Variants in ZBTB38 observed in about 807,000 individuals in gnomAD.
ZBTB38 encodes zinc finger and BTB domain-containing protein 38.
Under a neutral mutation model 76.8 loss-of-function variants are expected in ZBTB38, and 20 were observed. That is an observed-to-expected ratio of 0.26 (90% CI 0.18 to 0.38). The LOEUF is 0.38. ZBTB38 is among the 10% of genes least tolerant of loss of function. The pLI is 1.00. For synonymous variants in ZBTB38, 504 were observed against 544.2 expected (o/e 0.93, Z 1.03); for missense variants, 1,082 against 1,482.3 (o/e 0.73, Z 4.43).
At chr3:141,371,045 C>CTTTCTTTT (rs1944498561) in intron 2 of ZBTB38, among the ~76,000 whole-genome samples, 3 of 72,006 alleles carry the variant, frequency 4.2e-5, no homozygotes, top group African/African-American at 7.8e-5. Flanking sequence ...TTCTTTCTTT[C>CTTTCTTTT]TTTTTTTTTT....
rs1018363514 is a variant in ZBTB38 at position 141,448,272 on chromosome 3, G to C, written c.*2296G>C. 8.5e-5 allele frequency: 13 copies of C among 152,428 alleles called. No homozygotes were observed. Among genetic ancestry groups the C allele is most frequent in the Non-Finnish European group, 1.5e-5 (1 of 67,978 alleles). 9.4% of individuals were successfully genotyped at this position (152,428 alleles called of 1,614,324 possible). A position where few individuals can be genotyped will look rare whatever the true frequency, so the allele number is the denominator to read the frequency against. ...TAAATATGGCAGAATATTTATACAT[G>C]AAAAAATAATTTTGCAAATATTTTC... On this transcript the variant is annotated 3_prime_UTR_variant, in exon 6 of 6. Transcript: ENST00000321464.
At chr3:141,440,120 G>A (rs946973832) in intron 5 of ZBTB38, among the ~76,000 whole-genome samples, 4 of 152,122 alleles carry the variant, frequency 2.6e-5, no homozygotes, top group Non-Finnish European at 5.9e-5. Flanking sequence ...ACAGTTAAAG[G>A]CAGGGTAAAC....
At chr3:141,367,466 C>T (rs148431681), upstream of ZBTB38, 2 of 152,428 alleles carry the variant, frequency 1.3e-5, no homozygotes, top group Non-Finnish European at 2.9e-5. Context: ...GTTGCCAGAA[C>T]ATTCCTAATT....
chr3:141,449,632 GC>G lies in ZBTB38; in HGVS notation c.*3658del, dbSNP rs781613678. 6.6e-6 allele frequency: 1 copy of G among 152,010 alleles called. No individual in the cohort carries two copies. Among genetic ancestry groups the G allele is most frequent in the Non-Finnish European group, 1.5e-5 (1 of 68,010 alleles). 9.4% of individuals were successfully genotyped at this position (152,010 alleles called of 1,614,324 possible). Reference sequence around the variant, plus strand: ...TTACTGCCAGGCCTACCGGTGGCTGGCCAGTAGCATCAATTTTGTATTGGAA... The same window carrying G: ...TTACTGCCAGGCCTACCGGTGGCTGGCAGTAGCATCAATTTTGTATTGGAA... On this transcript the variant is annotated 3_prime_UTR_variant, in exon 6 of 6. Transcript: ENST00000321464.
intron 1 of ZBTB38, among the ~76,000 whole-genome samples, chr3:141,347,936 A>C (rs958215458): frequency 6.6e-6 from 1 of 152,226 alleles, no homozygotes; most frequent in Non-Finnish European, 1.5e-5. Context: ...TGTTATAAAT[A>C]CATGTAATGG....
At chr3:141,379,716 A>T (rs539046079) in intron 2 of ZBTB38, among the ~76,000 whole-genome samples, 24 of 152,344 alleles carry the variant, frequency 1.6e-4, no homozygotes, top group African/African-American at 5.5e-4. Flanking sequence ...GTTCATGCTA[A>T]ATCATGAGAT....
chr3:141,381,271 G>A (rs964417058), intron 2 of ZBTB38, among the ~76,000 whole-genome samples, 154 bp from the exon 3 acceptor site: 2 of 152,216 alleles, frequency 1.3e-5, no homozygotes, highest in African/African-American at 4.8e-5. Context: ...CCATAATGGT[G>A]GTGACACCTG....
At chr3:141,437,587 T>C (rs938713463) in intron 5 of ZBTB38, among the ~76,000 whole-genome samples, 1 of 152,214 alleles carries the variant, frequency 6.6e-6, no homozygotes, top group Admixed American at 6.5e-5. Flanking sequence ...TGGAACAAGG[T>C]GGGAAGGAGA....
chr3:141,445,605 A>C lies in ZBTB38; in HGVS notation c.3217A>C (p.Lys1073Gln). Residue 1073 changes from lysine to glutamine, a missense_variant, in exon 6 of 6, where the codon AAG (lysine) becomes CAG (glutamine). By Grantham distance (53) the Lys-to-Gln change is moderately conservative (BLOSUM62 1). Around this residue, in one of 8 missense-constraint regions of ZBTB38, gnomAD observed 69 missense variants for 148.2 expected, o/e 0.47. Transcript: ENST00000321464. This position sits in a 1 kb window ranked among gnomAD's most constrained non-coding sequence, Gnocchi z 6.5. Reference protein sequence around the residue: ...LKEFVCQYCNKAFTLNETLKI... With the variant: ...LKEFVCQYCNQAFTLNETLKI... ...GGAGTTCGTCTGTCAGTATTGCAAC[A>C]AGGCATTCACCTTGAATGAGACCCT... 1 of 1,614,236 alleles carries C rather than the reference A, an allele frequency of 6.2e-7. No individual in the cohort carries two copies. Among genetic ancestry groups the C allele is most frequent in the Non-Finnish European group, 8.5e-7 (1 of 1,180,034 alleles).
chr3:141,412,348 G>A (rs147335910), intron 5 of ZBTB38, among the ~76,000 whole-genome samples: 1 of 152,278 alleles, frequency 6.6e-6, no homozygotes, highest in Non-Finnish European at 1.5e-5. Context: ...TCTCAAAGCC[G>A]GTGGCCATTT....
chr3:141,360,678 TC>T (rs1184316790), intron 1 of ZBTB38, among the ~76,000 whole-genome samples: 4 of 152,068 alleles, frequency 2.6e-5, no homozygotes, highest in African/African-American at 9.7e-5. Context: ...ATTTTTCTAG[TC>T]TAGGATTTCT....
chr3:141,445,706 C>T lies in ZBTB38; in HGVS notation c.3318C>T (p.Leu1106=), dbSNP rs910184452. 3.7e-6 allele frequency: 6 copies of T among 1,614,180 alleles called. No individual in the cohort carries two copies. Among genetic ancestry groups the T allele is most frequent in the Non-Finnish European group, 5.1e-6 (6 of 1,180,032 alleles). ...TCTGCTTTCAGAGATTTTTGTATCT[C>T]TCCACCAAAAGGAATCACGAGCAGA... is the stretch of plus-strand genomic sequence containing the variant. ...CQFCFQRFLY[L]STKRNHEQRH... is the part of the protein sequence containing the mutation. The change falls in exon 6 of 6, where the codon CTC becomes CTT. Residue 1106 remains leucine (L), a synonymous_variant. Coordinates refer to ENST00000321464, the MANE Select transcript of ZBTB38 (RefSeq NM_001376113.1). This position sits in a 1 kb window ranked among gnomAD's most constrained non-coding sequence, Gnocchi z 6.5.
chr3:141,445,896 G>A lies in ZBTB38; in HGVS notation c.3508G>A (p.Glu1170Lys). ...DVCHENSNPL[E>K]NQHFIGSEDN... Reference sequence around the variant, plus strand: ...GTGCCACGAAAACTCAAATCCCTTGGAGAATCAACATTTCATTGGTTCAGA... The same window carrying A: ...GTGCCACGAAAACTCAAATCCCTTGAAGAATCAACATTTCATTGGTTCAGA... Residue 1170 changes from glutamate (E) to lysine (K), a missense_variant, in exon 6 of 6, where the codon GAG (glutamate) becomes AAG (lysine). Physicochemically the swap from Glu to Lys is moderately conservative, Grantham distance 56 (BLOSUM62 1). This residue lies in a region of ZBTB38 where 54 missense variants were observed against 57.9 expected (regional missense o/e 0.93). Coordinates refer to ENST00000321464, the MANE Select transcript of ZBTB38 (RefSeq NM_001376113.1). This position sits in a 1 kb window ranked among gnomAD's most constrained non-coding sequence, Gnocchi z 6.5. 2.5e-6 allele frequency: 4 copies of A among 1,609,814 alleles called. No individual in the cohort carries two copies. The highest frequency in any genetic ancestry group is 3.4e-6 in the Non-Finnish European group (4 of 1,179,992).
rs145038303 is a variant in ZBTB38, at chr3:141,446,279, C to T, written c.*303C>T. ...AGTGAAAAAAGGAGTTTAATTTTAGCCTAGTTTAAAACTTTCTAATAATTG... is the reference window on the plus strand; with the variant it reads ...AGTGAAAAAAGGAGTTTAATTTTAGTCTAGTTTAAAACTTTCTAATAATTG... On this transcript the variant is annotated 3_prime_UTR_variant, in exon 6 of 6. Transcript: ENST00000321464. 17 of 214,858 alleles carry T rather than the reference C, an allele frequency of 7.9e-5. No homozygotes were observed. Among genetic ancestry groups the T allele is most frequent in the Non-Finnish European group, 1.2e-4 (13 of 108,394 alleles). 13.3% of individuals were successfully genotyped at this position (214,858 alleles called of 1,614,324 possible). A position where few individuals can be genotyped will look rare whatever the true frequency, so the allele number is the denominator to read the frequency against.
chr3:141,346,425 T>A (rs896473984), intron 1 of ZBTB38, among the ~76,000 whole-genome samples: 2 of 152,166 alleles, frequency 1.3e-5, no homozygotes, highest in Non-Finnish European at 2.9e-5. Context: ...CTCCTTTAAT[T>A]TATCCCACCC....
At chr3:141,334,417 C>T (rs902796500) in intron 1 of ZBTB38, among the ~76,000 whole-genome samples, 2 of 123,596 alleles carry the variant, frequency 1.6e-5, no homozygotes, top group Middle Eastern at 7.4e-3. Context: ...TCCTTCCTTC[C>T]TTCCTTCCTT....
At chr3:141,415,614 G>A (rs994852179) in intron 5 of ZBTB38, among the ~76,000 whole-genome samples, 1 of 152,254 alleles carries the variant, frequency 6.6e-6, no homozygotes, top group African/African-American at 2.4e-5. Flanking sequence ...GCGAAGCACA[G>A]AGACAGACTG....
rs2080732850 is a variant in ZBTB38, at chr3:141,443,912, T to C, written c.1524T>C (p.Ile508=). The stretch of plus-strand genomic sequence containing the variant: ...CTGAGTACAGGACAAGGCATGAAAT[T>C]TGGCATACGGGAGAAAGACGATATC... ...ALAEYRTRHE[I]WHTGERRYQC... Residue 508 remains isoleucine, a synonymous_variant, in exon 6 of 6, where the codon ATT becomes ATC. Transcript: ENST00000321464. This position sits in a 1 kb window ranked among gnomAD's most constrained non-coding sequence, Gnocchi z 5.6. 1 of 1,614,096 alleles carries C rather than the reference T, an allele frequency of 6.2e-7. No individual in the cohort carries two copies.
rs145450459 is a variant in ZBTB38, at chr3:141,442,353, G to A, written c.1-36G>A. ...TCTAGAGATAAAGAAGCCACCTGTGGAAGATTATCTGACCATTTCTCTCCT... is the reference window on the plus strand; with the variant it reads ...TCTAGAGATAAAGAAGCCACCTGTGAAAGATTATCTGACCATTTCTCTCCT... On this transcript the variant is annotated intron_variant, in intron 5 of 5. Transcript: ENST00000321464. This position sits in a 1 kb window ranked among gnomAD's most constrained non-coding sequence, Gnocchi z 6.4. 2.1e-4 allele frequency: 316 copies of A among 1,505,258 alleles called. 1 individual carries two copies. In the East Asian group the frequency reaches 6.5e-3, roughly 31 times the overall value. 93.2% of individuals were successfully genotyped at this position (1,505,258 alleles called of 1,614,324 possible). A position where few individuals can be genotyped will look rare whatever the true frequency, so the allele number is the denominator to read the frequency against.
Sources: gnomAD v4.1 joint callset for allele counts (sites outside exome capture counted in the v4.1 genomes callset) on GRCh38, gnomAD v4.1.1 for gene constraint, gnomAD v4.1.1 regional missense constraint, Gnocchi (gnomAD v3.1) non-coding constraint, MANE v1.5 for transcripts, NCBI Gene and HGNC (gene_info 2026-07-23, HGNC 2026-07-21) for gene names.